LRP4: variants seen among roughly 807,000 people sequenced by gnomAD.
The protein encoded by LRP4 is low-density lipoprotein receptor-related protein 4.
A neutral mutation model predicts 220.3 loss-of-function variants in LRP4; 95 were observed. The observed-to-expected ratio is 0.43, with a 90% CI of 0.37 to 0.51. The LOEUF is 0.51. Among genes scored for constraint, LRP4 ranks in the 20% least tolerant of loss-of-function variants. The probability of loss-of-function intolerance (pLI) is 0.00; values close to 1 mark genes in which losing one functional copy is unlikely to be tolerated. For synonymous variants in LRP4, 903 were observed against 954.6 expected, an observed-to-expected ratio of 0.95 and a Z score of 1.00; for missense variants, 1,925 against 2,567.0, an observed-to-expected ratio of 0.75 and a Z score of 5.40.
At position 46,895,980 on chromosome 11, in the gene LRP4, C is replaced by T. The variant is rs765602909; in HGVS notation, c.1087G>A (p.Gly363Ser). Reference sequence around the variant, plus strand: ...ATCTGGCACTTCTGGGCACAGCCACCGTTGTTAACATTGCAGTTCTCCTCA... The same window carrying T: ...ATCTGGCACTTCTGGGCACAGCCACTGTTGTTAACATTGCAGTTCTCCTCA... ...TGEENCNVNN[G>S]GCAQKCQMVR... Residue 363 changes from glycine to serine, a missense_variant, in exon 10 of 38, where the codon GGT becomes AGT. Gly to Ser is a moderately conservative substitution (Grantham distance 56, BLOSUM62 0). Around this residue, in one of 3 missense-constraint regions of LRP4, gnomAD observed 269 missense variants for 436.7 expected, o/e 0.62. Coordinates refer to ENST00000378623, the MANE Select transcript of LRP4 (RefSeq NM_002334.4). 9.0e-5 allele frequency: 146 copies of T among 1,614,050 alleles called. No homozygotes were observed. Among genetic ancestry groups the T allele is most frequent in the Non-Finnish European group, 1.1e-4 (128 of 1,180,062 alleles).
Position 46,858,897 on chromosome 11 carries a change from A to C in LRP4, c.*86T>G. The C allele has an allele frequency of 7.7e-7, 1 of 1,294,548 alleles. No individual in the cohort carries two copies. Among genetic ancestry groups the C allele is most frequent in the Non-Finnish European group, 1.1e-6 (1 of 892,604 alleles). The allele number at this position is 1,294,548 out of a possible 1,614,324, so 80.2% of individuals were successfully genotyped here. ...AGGAGGAGGAGGACAAGCACACAGA[A>C]GCGGGGCCTGCGGTGTAAGCGAGCA... is the stretch of plus-strand genomic sequence containing the variant. On this transcript the variant is annotated 3_prime_UTR_variant, in exon 38 of 38. Coordinates refer to ENST00000378623, the MANE Select transcript of LRP4 (RefSeq NM_002334.4).
chr11:46,899,876 G>C lies in LRP4; in HGVS notation c.417C>G (p.Ser139Arg). The change falls in exon 4 of 38, where the codon AGC (serine) becomes AGG (arginine). Residue 139 changes from serine to arginine, a missense_variant. Around this residue, in one of 3 missense-constraint regions of LRP4, gnomAD observed 412 missense variants for 505.4 expected, o/e 0.82. Coordinates refer to ENST00000378623, the MANE Select transcript of LRP4 (RefSeq NM_002334.4). The surrounding 1 kb of genome is among the most constrained non-coding windows in gnomAD (Gnocchi z 5.9). ...GGGGTCACCCACCACACTGCTCATC[G>C]CTGTTGTCGCCACAGTCATTGTCAC... ...CDGDNDCGDN[S>R]DEQCDMRKCS... The C allele has an allele frequency of 6.2e-7, 1 of 1,613,796 alleles. No homozygotes were observed. The highest frequency in any genetic ancestry group is 8.5e-7 in the Non-Finnish European group (1 of 1,179,962).
intron 19 of LRP4, among the ~76,000 whole-genome samples, chr11:46,882,982 C>T (rs187791121): frequency 1.9e-3 from 296 of 152,096 alleles, no homozygotes; most frequent in African/African-American, 6.9e-3. Flanking sequence ...AAACCAAAAC[C>T]ATCACCACCA....
At chr11:46,864,985 T>C in intron 35 of LRP4, 134 bp downstream of exon 35, 2 of 805,518 alleles carry the variant, frequency 2.5e-6, no homozygotes, top group South Asian at 1.5e-5. Context: ...GCTATTATGA[T>C]TATTATTTCT....
chr11:46,894,050 C>T (rs2903522), intron 12 of LRP4, among the ~76,000 whole-genome samples: 89,208 of 151,508 alleles, frequency 0.59, 29,655 homozygotes, highest in Non-Finnish European at 0.75. Flanking sequence ...CGCCACCACG[C>T]CCGGCTAACT....
At chr11:46,897,272 A>G (rs1387308005) in intron 7 of LRP4, among the ~76,000 whole-genome samples, 1 of 150,904 alleles carries the variant, frequency 6.6e-6, no homozygotes, top group Non-Finnish European at 1.5e-5. Flanking sequence ...CAACCTACAC[A>G]ACTGTACATG....
intron 19 of LRP4, among the ~76,000 whole-genome samples, chr11:46,883,043 G>C (rs1941199645): frequency 6.6e-6 from 1 of 152,126 alleles, no homozygotes; most frequent in African/African-American, 2.4e-5. Flanking sequence ...AAAATATCCT[G>C]AACTGTTAAC....
chr11:46,873,060 C>G lies in LRP4; in HGVS notation c.4583+40G>C. On this transcript the variant is annotated intron_variant, in intron 30 of 37. Coordinates refer to ENST00000378623, the MANE Select transcript of LRP4 (RefSeq NM_002334.4). This position sits in a 1 kb window ranked among gnomAD's most constrained non-coding sequence, Gnocchi z 4.2. The stretch of plus-strand genomic sequence containing the variant: ...AATCTCAACCATTCTCTCTTCTGCC[C>G]ACCCGATTTCCAGGAGGCTGTTTGA... 6.2e-7 allele frequency: 1 copy of G among 1,613,970 alleles called. No individual in the cohort carries two copies. The highest frequency in any genetic ancestry group is 8.5e-7 in the Non-Finnish European group (1 of 1,179,936).
chr11:46,911,561 C>T (rs1941858616), intron 1 of LRP4, among the ~76,000 whole-genome samples: 1 of 146,966 alleles, frequency 6.8e-6, no homozygotes, highest in African/African-American at 2.6e-5. Context: ...TGCACTCCAG[C>T]CTTGGCAATA....
chr11:46,876,555 T>C lies in LRP4; in HGVS notation c.3447A>G (p.Glu1149=). 6.2e-7 allele frequency: 1 copy of C among 1,614,202 alleles called. No homozygotes were observed. The highest frequency in any genetic ancestry group is 8.5e-7 in the Non-Finnish European group (1 of 1,180,036). ...YWTDTGTNRI[E]VGNLDGSMRK... The stretch of plus-strand genomic sequence containing the variant: ...GCATGGACCCGTCCAGGTTGCCCAC[T>C]TCAATCCGGTTTGTTCCCGTGTCTG... Residue 1149 remains glutamate, a synonymous_variant, in exon 25 of 38, where the codon GAA becomes GAG. Coordinates refer to ENST00000378623, the MANE Select transcript of LRP4 (RefSeq NM_002334.4).
chr11:46,878,504 C>T (rs781765431), intron 22 of LRP4, among the ~76,000 whole-genome samples: 18 of 151,948 alleles, frequency 1.2e-4, no homozygotes, highest in Non-Finnish European at 2.4e-4. Context: ...GAACTCCTGA[C>T]CTCTAGTGAT....
intron 25 of LRP4, 55 bp from the exon 26 acceptor site, chr11:46,876,021 T>C (rs1941006180): frequency 1.3e-6 from 2 of 1,550,830 alleles, no homozygotes; most frequent in Non-Finnish European, 1.8e-6. Context: ...AGCTACCACA[T>C]ACCATGAATA....
chr11:46,887,926 G>C (rs1941333353), intron 16 of LRP4, among the ~76,000 whole-genome samples: 1 of 142,920 alleles, frequency 7.0e-6, no homozygotes, highest in South Asian at 2.3e-4. Flanking sequence ...GGGGCGGGAG[G>C]CTTGCTTAAG....
Position 46,875,529 on chromosome 11 carries a change from G to A in LRP4, c.3852C>T (p.Ser1284=). The A allele has an allele frequency of 6.2e-7, 1 of 1,614,126 alleles. No homozygotes were observed. Among genetic ancestry groups the A allele is most frequent in the Non-Finnish European group, 8.5e-7 (1 of 1,180,028 alleles). Residue 1284 remains serine, a synonymous_variant, in exon 27 of 38, where the codon AGC becomes AGT. Coordinates refer to ENST00000378623, the MANE Select transcript of LRP4 (RefSeq NM_002334.4). This position sits in a 1 kb window ranked among gnomAD's most constrained non-coding sequence, Gnocchi z 4.5. Reference sequence around the variant, plus strand: ...GGTTGGACCTCACGAGGATGACATTGCTGCCAGTACCCTTGTCAGCACGGT... The same window carrying A: ...GGTTGGACCTCACGAGGATGACATTACTGCCAGTACCCTTGTCAGCACGGT... ...SIHRADKGTG[S]NVILVRSNLP... is the part of the protein sequence containing the mutation.
chr11:46,900,501 T>G (rs1314491519), intron 2 of LRP4, 123 bp from the exon 3 acceptor site: 2 of 712,992 alleles, frequency 2.8e-6, no homozygotes, highest in Non-Finnish European at 5.1e-6. Flanking sequence ...AGACCGAGTC[T>G]TACTCTGTCA....
chr11:46,886,492 G>C lies in LRP4; in HGVS notation c.2257C>G (p.Arg753Gly). ...TCCTCTGTGTCAAAGCTGATTCGAC[G>C]GATGTCCATCCTTCGGGCAAAAAGC... ...FLLFARRMDI[R>G]RISFDTEDLS... The change falls in exon 17 of 38, where the codon CGT becomes GGT. Residue 753 changes from arginine to glycine, a missense_variant. Coordinates refer to ENST00000378623, the MANE Select transcript of LRP4 (RefSeq NM_002334.4). 6.2e-7 allele frequency: 1 copy of C among 1,614,062 alleles called. No individual in the cohort carries two copies. The highest frequency in any genetic ancestry group is 8.5e-7 in the Non-Finnish European group (1 of 1,180,000).
rs991397044 is a variant in LRP4 at position 46,859,263 on chromosome 11, A to G, written c.5438T>C (p.Ile1813Thr). 1.2e-6 allele frequency: 2 copies of G among 1,613,978 alleles called. No homozygotes were observed. The highest frequency in any genetic ancestry group is 1.7e-5 in the Admixed American group (1 of 59,996). ...TKEKIKIVEGICLLSGDDAEW... is the reference protein window; with the variant it reads ...TKEKIKIVEGTCLLSGDDAEW... ...AGCATCATCCCCAGACAGGAGGCAGATTCCCTCTACGATCTTGATCTTCTC... is the reference window on the plus strand; with the variant it reads ...AGCATCATCCCCAGACAGGAGGCAGGTTCCCTCTACGATCTTGATCTTCTC... The change falls in exon 38 of 38, where the codon ATC becomes ACC. Residue 1813 changes from isoleucine to threonine, a missense_variant. Ile to Thr is a moderately conservative substitution (Grantham distance 89). Around this residue, in one of 3 missense-constraint regions of LRP4, gnomAD observed 1,244 missense variants for 1,624.9 expected, o/e 0.77. Transcript: ENST00000378623.
At chr11:46,865,350 G>T (rs955128292) in intron 34 of LRP4, among the ~76,000 whole-genome samples, 164 bp from the exon 35 acceptor site, 1 of 152,222 alleles carries the variant, frequency 6.6e-6, no homozygotes, top group Non-Finnish European at 1.5e-5. Flanking sequence ...AGGAAATGGA[G>T]AGAAATCCGT....
Position 46,886,297 on chromosome 11 carries a change from C to G in LRP4, c.2424+28G>C, listed in dbSNP as rs771895862. 2.3e-5 allele frequency: 37 copies of G among 1,592,724 alleles called. No homozygotes were observed. In the Admixed American group the frequency reaches 6.6e-4, roughly 28 times the overall value. On this transcript the variant is annotated intron_variant, in intron 17 of 37. Transcript: ENST00000378623. ...CTTCCCTGGAGAGGGTGGATTCCAC[C>G]CTTCAACCTCCCCACGCTGGGCCCT...
Sources: gnomAD v4.1 joint callset for allele counts (sites outside exome capture counted in the v4.1 genomes callset) on GRCh38, gnomAD v4.1.1 for gene constraint, gnomAD v4.1.1 regional missense constraint, Gnocchi (gnomAD v3.1) non-coding constraint, MANE v1.5 for transcripts, NCBI Gene and HGNC (gene_info 2026-07-23, HGNC 2026-07-21) for gene names.